BEND6: variants seen among roughly 807,000 people sequenced by gnomAD.
The protein encoded by BEND6 is BEN domain containing 6, also known as BEN domain-containing protein 6.
BEND6 carries 24 observed loss-of-function variants against 31.8 expected under a neutral mutation model. That is an observed-to-expected ratio of 0.75 (90% CI 0.55 to 1.06). The LOEUF is 1.06. Ranked by LOEUF, BEND6 falls within the 50% of genes least tolerant of loss-of-function variation. The pLI, the probability that BEND6 is intolerant of heterozygous loss-of-function variation, is 0.00. For missense variants in BEND6, 294 were observed against 327.4 expected (o/e 0.90, Z 0.79); for synonymous variants, 109 against 114.6 (o/e 0.95, Z 0.31).
intron 3 of BEND6, chr6:57,014,551 C>G (rs756794407): frequency 8.2e-6 from 12 of 1,456,754 alleles, no homozygotes; most frequent in Non-Finnish European, 1.1e-5. Flanking sequence ...AAAAAAGGAA[C>G]AAAGAAAATA....
rs748619216 is a variant in BEND6 at position 57,018,402 on chromosome 6, C to A, written c.713-19C>A. On this transcript the variant is annotated intron_variant, in intron 5 of 6. Transcript: ENST00000370746. ...AGCACTCATGAAGTTTCTCATGTGT[C>A]GCTATTGGTTTTTTACAGGAGTAAC... 2 of 1,576,374 alleles carry A rather than the reference C, an allele frequency of 1.3e-6. No individual in the cohort carries two copies. The highest frequency in any genetic ancestry group is 1.4e-5 in the African/African-American group (1 of 72,182).
At chr6:57,003,287 T>C (rs149966995) in intron 3 of BEND6, among the ~76,000 whole-genome samples, 1 of 152,188 alleles carries the variant, frequency 6.6e-6, no homozygotes, top group African/African-American at 2.4e-5. Flanking sequence ...GATTGCTTGA[T>C]CTCAGAGTTC....
At position 56,981,795 on chromosome 6, in the gene BEND6, A is replaced by G. The variant is rs1230097893; in HGVS notation, c.-16A>G. 1 of 1,611,294 alleles carries G rather than the reference A, an allele frequency of 6.2e-7. No homozygotes were observed. Reference sequence around the variant, plus strand: ...CTCCTAGGATTTCAGAAAACCTTTGATAACTAATTGAGAAAATGCAGAAGA... The same window carrying G: ...CTCCTAGGATTTCAGAAAACCTTTGGTAACTAATTGAGAAAATGCAGAAGA... On this transcript the variant is annotated 5_prime_UTR_variant, in exon 2 of 7. Transcript: ENST00000370746.
At chr6:56,959,034 A>G (rs1000428915) in intron 1 of BEND6, among the ~76,000 whole-genome samples, 1 of 152,244 alleles carries the variant, frequency 6.6e-6, no homozygotes, top group Non-Finnish European at 1.5e-5. Context: ...TTATTTTGTC[A>G]GGCTAGGGAT....
chr6:57,013,078 G>A (rs1256695570), intron 3 of BEND6, among the ~76,000 whole-genome samples: 1 of 152,160 alleles, frequency 6.6e-6, no homozygotes, highest in Non-Finnish European at 1.5e-5. Flanking sequence ...CTTCTTTGTG[G>A]CGTTTAAGAA....
chr6:57,015,008 C>G, intron 3 of BEND6, 125 bp from the exon 4 acceptor site: 1 of 684,982 alleles, frequency 1.5e-6, no homozygotes, highest in Non-Finnish European at 2.3e-6. Flanking sequence ...TGTTTATTTT[C>G]CAAAGATAGC....
In BEND6 at chr6:56,992,442, T is replaced by C; in HGVS notation, c.185T>C (p.Leu62Ser). The change falls in exon 3 of 7, where the codon TTA becomes TCA. Residue 62 changes from leucine to serine, a missense_variant. Leu to Ser is a moderately radical substitution (Grantham distance 145). Coordinates refer to ENST00000370746, the MANE Select transcript of BEND6 (RefSeq NM_152731.3). ...GESSSEDEEPLAELSKEELCA... is the reference protein window; with the variant it reads ...GESSSEDEEPSAELSKEELCA... ...AGCTCCAGTGAGGATGAAGAGCCTT[T>C]AGCAGAATTGTCAAAGGAAGAATTG... The C allele has an allele frequency of 6.2e-7, 1 of 1,614,166 alleles. No individual in the cohort carries two copies. The highest frequency in any genetic ancestry group is 8.5e-7 in the Non-Finnish European group (1 of 1,180,006).
chr6:56,979,726 G>A (rs1826005592), intron 1 of BEND6, among the ~76,000 whole-genome samples: 1 of 152,146 alleles, frequency 6.6e-6, no homozygotes, highest in African/African-American at 2.4e-5. Context: ...CTTCTCTCTT[G>A]CTATGTAAAT....
chr6:56,979,277 G>T (rs1402131076), intron 1 of BEND6, among the ~76,000 whole-genome samples: 1 of 152,110 alleles, frequency 6.6e-6, no homozygotes, highest in Non-Finnish European at 1.5e-5. Context: ...AGTCTTCTAA[G>T]AAATTAATAT....
intron 1 of BEND6, chr6:56,975,709 G>T: frequency 2.2e-6 from 1 of 461,436 alleles, no homozygotes; most frequent in South Asian, 1.9e-5. Flanking sequence ...GAAATCTATT[G>T]AGTTTTGGGA....
intron 3 of BEND6, chr6:57,010,870 A>G (rs938496081): frequency 8.8e-6 from 6 of 682,348 alleles, no homozygotes; most frequent in Non-Finnish European, 1.1e-5. Flanking sequence ...TGTGTTTAAA[A>G]TGTTATAAAA....
At chr6:56,969,944 G>T (rs1433615935) in intron 1 of BEND6, among the ~76,000 whole-genome samples, 2 of 151,890 alleles carry the variant, frequency 1.3e-5, no homozygotes, top group Admixed American at 1.3e-4. Flanking sequence ...TCAAACTATG[G>T]ATTATAATCC....
At chr6:57,001,779 A>G (rs1266330556) in intron 3 of BEND6, among the ~76,000 whole-genome samples, 1 of 152,244 alleles carries the variant, frequency 6.6e-6, no homozygotes, top group Non-Finnish European at 1.5e-5. Flanking sequence ...ACCTACTACC[A>G]CAAAAACACA....
intron 3 of BEND6, among the ~76,000 whole-genome samples, chr6:56,999,910 G>A (rs946048485): frequency 9.9e-5 from 15 of 151,556 alleles, no homozygotes; most frequent in African/African-American, 1.9e-4. Flanking sequence ...CTGCCCAGCC[G>A]CCCCGTCTAG....
chr6:56,975,897 TA>T (rs1248128610), intron 1 of BEND6: 2 of 528,694 alleles, frequency 3.8e-6, no homozygotes, highest in African/African-American at 1.9e-5. Context: ...GGTTCAACAA[TA>T]ACATCATAAA....
intron 3 of BEND6, among the ~76,000 whole-genome samples, chr6:56,996,543 A>G (rs1826721060): frequency 6.6e-6 from 1 of 152,106 alleles, no homozygotes; most frequent in Non-Finnish European, 1.5e-5. Flanking sequence ...TCTCTAACTC[A>G]TTGTCTAACT....
intron 2 of BEND6, among the ~76,000 whole-genome samples, chr6:56,989,458 C>A (rs2127860191): frequency 6.6e-6 from 1 of 152,234 alleles, no homozygotes; most frequent in South Asian, 2.1e-4. Context: ...CTGAAAGTTT[C>A]TCTTATGTAT....
In BEND6 at chr6:57,026,976, T is replaced by C. The variant is rs1382183709; in HGVS notation, c.*904T>C. 6.6e-6 allele frequency: 1 copy of C among 152,240 alleles called. No homozygotes were observed. The highest frequency in any genetic ancestry group is 1.5e-5 in the Non-Finnish European group (1 of 68,034). 9.4% of individuals were successfully genotyped at this position (152,240 alleles called of 1,614,324 possible). A position where few individuals can be genotyped will look rare whatever the true frequency, so the allele number is the denominator to read the frequency against. On this transcript the variant is annotated 3_prime_UTR_variant, in exon 7 of 7. Transcript: ENST00000370746. ...ATACTGCTTAGTTTTAACTGGTTTATTTTTATTGTAGCAGAAATGAACTGA... is the reference window on the plus strand; with the variant it reads ...ATACTGCTTAGTTTTAACTGGTTTACTTTTATTGTAGCAGAAATGAACTGA...
intron 3 of BEND6, chr6:57,014,540 G>GA: frequency 2.7e-6 from 4 of 1,487,370 alleles, no homozygotes; most frequent in East Asian, 2.6e-5. Context: ...GTTTCCATTT[G>GA]AAAAAAGGAA....
Sources: allele counts gnomAD v4.1 joint callset (sites outside exome capture counted in the v4.1 genomes callset), GRCh38; gene constraint gnomAD v4.1.1; transcripts MANE v1.5; gene names NCBI Gene and HGNC (gene_info 2026-07-23, HGNC 2026-07-21).